PSD2: variants seen among roughly 807,000 people sequenced by gnomAD.
PSD2 encodes pleckstrin and Sec7 domain containing 2.
PSD2 carries 38 observed loss-of-function variants against 69.8 expected under a neutral mutation model. The ratio of observed to expected loss-of-function variants is 0.54; its 90% CI spans 0.42 to 0.71. The LOEUF is 0.71. PSD2 is among the 30% of genes least tolerant of loss of function. The pLI is 0.00. For missense variants in PSD2, 943 were observed against 1,014.5 expected, an observed-to-expected ratio of 0.93 and a Z score of 0.96; for synonymous variants, 412 against 423.0, an observed-to-expected ratio of 0.97 and a Z score of 0.32.
the PSD2 span, among the ~76,000 whole-genome samples, chr5:139,766,427 C>T: frequency 6.6e-6 from 1 of 152,188 alleles, no homozygotes; most frequent in Non-Finnish European, 1.5e-5. Flanking sequence ...CAGTCTTCAG[C>T]AGTCCTGGAA....
chr5:139,809,125 G>A (rs933489119), intron 1 of PSD2, among the ~76,000 whole-genome samples: 2 of 152,200 alleles, frequency 1.3e-5, no homozygotes, highest in African/African-American at 2.4e-5. Context: ...GGCGGGCACA[G>A]CAGAGACACA....
chr5:139,837,304 G>A lies in PSD2; in HGVS notation c.1665+66G>A. 1 of 1,395,914 alleles carries A rather than the reference G, an allele frequency of 7.2e-7. No homozygotes were observed. 86.5% of individuals were successfully genotyped at this position (1,395,914 alleles called of 1,614,324 possible). On this transcript the variant is annotated intron_variant, in intron 11 of 14. Transcript: ENST00000274710. The surrounding 1 kb of genome is among the most constrained non-coding windows in gnomAD (Gnocchi z 5.0). ...CTCAGTCCCATCCCGCCCTGGCCTT[G>A]TGGCACCCCGAAGCCCCAGGCAGGA...
intron 7 of PSD2, among the ~76,000 whole-genome samples, chr5:139,827,406 G>A (rs1290335093): frequency 3.3e-5 from 5 of 152,204 alleles, no homozygotes; most frequent in Non-Finnish European, 5.9e-5. Flanking sequence ...CTTGGATACA[G>A]GTACAGTATA....
intron 1 of PSD2, among the ~76,000 whole-genome samples, chr5:139,798,287 C>T (rs1347720744): frequency 6.6e-6 from 1 of 152,288 alleles, no homozygotes; most frequent in Non-Finnish European, 1.5e-5. Context: ...AGCTTGTTTT[C>T]CTTGTCCCTC....
intron 8 of PSD2, among the ~76,000 whole-genome samples, chr5:139,834,921 C>T (rs1052090939): frequency 6.6e-6 from 1 of 151,702 alleles, no homozygotes; most frequent in Admixed American, 6.6e-5. Context: ...CATATACCCA[C>T]CCATTCACCC....
intron 2 of PSD2, among the ~76,000 whole-genome samples, chr5:139,812,194 A>G (rs1759985375): frequency 6.6e-6 from 1 of 152,180 alleles, no homozygotes; most frequent in Non-Finnish European, 1.5e-5. Context: ...AAATACTTAT[A>G]TAGTGTGTTG....
intron 5 of PSD2, among the ~76,000 whole-genome samples, 180 bp downstream of exon 5, chr5:139,817,741 T>G (rs1246612310): frequency 6.6e-6 from 1 of 152,048 alleles, no homozygotes; most frequent in Non-Finnish European, 1.5e-5. Flanking sequence ...AGTGCCCACT[T>G]TGTAGTAGCT....
intron 1 of PSD2, 141 bp from the exon 2 acceptor site, chr5:139,809,250 A>G (rs1642536003): frequency 4.5e-6 from 3 of 666,434 alleles, no homozygotes; most frequent in Non-Finnish European, 7.5e-6. Flanking sequence ...CCCACACTCC[A>G]GCTGGAAGGG....
intron 7 of PSD2, among the ~76,000 whole-genome samples, chr5:139,830,629 T>TTTCTTTCTTTCTTTCTTTCTTTCG (rs1491513300): frequency 1.5e-5 from 2 of 134,776 alleles, no homozygotes; most frequent in Non-Finnish European, 1.6e-5. Context: ...TTTCTTTCTC[T>TTTCTTTCTTTCTTTCTTTCTTTCG]TTCTTTCTTT....
At chr5:139,790,097 TC>T in the PSD2 span, among the ~76,000 whole-genome samples, 1 of 151,676 alleles carries the variant, frequency 6.6e-6, no homozygotes, top group African/African-American at 2.4e-5. Flanking sequence ...GGGGGCCAGA[TC>T]TTATGGGATT....
rs552143289 is a variant in PSD2 at position 139,844,289 on chromosome 5, G to C, written c.*1815G>C. 6.6e-6 allele frequency: 1 copy of C among 152,108 alleles called. No homozygotes were observed. The highest frequency in any genetic ancestry group is 1.5e-5 in the Non-Finnish European group (1 of 68,036). The allele number at this position is 152,108 out of a possible 1,614,324, so 9.4% of individuals were successfully genotyped here. A position where few individuals can be genotyped will look rare whatever the true frequency, so the allele number is the denominator to read the frequency against. On this transcript the variant is annotated 3_prime_UTR_variant, in exon 15 of 15. Coordinates refer to ENST00000274710, the MANE Select transcript of PSD2 (RefSeq NM_032289.4). ...GTGGACAGATGTGCTTCCTGAGCAT[G>C]GGTTGTGCCTCCCATCAGTAAAAAA...
At chr5:139,838,802 CCCCAGGCTGCCATCCTCAG>C in intron 13 of PSD2, 30 bp downstream of exon 13, 1 of 1,597,300 alleles carries the variant, frequency 6.3e-7, no homozygotes, top group Non-Finnish European at 8.6e-7. Flanking sequence ...CATTTTGCCT[CCCCAGGCTGCCATCCTCAG>C]CCCAGGCCCC....
chr5:139,819,338 C>A (rs1488631043), intron 5 of PSD2, among the ~76,000 whole-genome samples: 2 of 152,166 alleles, frequency 1.3e-5, no homozygotes, highest in African/African-American at 4.8e-5. Flanking sequence ...GTTGGGCAAA[C>A]CCCCTTGTTG....
chr5:139,774,126 C>G, the PSD2 span, among the ~76,000 whole-genome samples: 1 of 150,226 alleles, frequency 6.7e-6, no homozygotes, highest in Non-Finnish European at 1.5e-5. Flanking sequence ...CACTCGGTCT[C>G]GTTTTTTTTT....
chr5:139,775,944 C>T, the PSD2 span, among the ~76,000 whole-genome samples: 1 of 152,374 alleles, frequency 6.6e-6, no homozygotes, highest in South Asian at 2.1e-4. Context: ...GCTGGGATTA[C>T]AGGCGTGAGC....
the PSD2 span, among the ~76,000 whole-genome samples, chr5:139,742,725 C>T: frequency 1.6e-4 from 25 of 152,274 alleles, no homozygotes; most frequent in East Asian, 4.4e-3. Flanking sequence ...TACATGAGTG[C>T]AGGTGTGAGT....
At chr5:139,771,214 C>T in the PSD2 span, among the ~76,000 whole-genome samples, 15 of 152,154 alleles carry the variant, frequency 9.9e-5, no homozygotes, top group East Asian at 2.9e-3. Flanking sequence ...TGTGACTGGC[C>T]CGGGTGGCGG....
intron 8 of PSD2, among the ~76,000 whole-genome samples, chr5:139,834,364 C>A (rs1241886681): frequency 3.3e-5 from 5 of 152,156 alleles, no homozygotes; most frequent in Non-Finnish European, 7.4e-5. Flanking sequence ...TGGCTCACTG[C>A]AGCCTGGAAC....
chr5:139,795,572 C>T (rs1006909599), upstream of PSD2, among the ~76,000 whole-genome samples: 1 of 152,082 alleles, frequency 6.6e-6, no homozygotes, highest in Middle Eastern at 3.2e-3. This position sits in a 1 kb window ranked among gnomAD's most constrained non-coding sequence, Gnocchi z 4.5. Flanking sequence ...TCCCCTCCCC[C>T]CCTTTCTTAA....
Sources: gnomAD v4.1 joint callset for allele counts (sites outside exome capture counted in the v4.1 genomes callset) on GRCh38, gnomAD v4.1.1 for gene constraint, Gnocchi (gnomAD v3.1) non-coding constraint, MANE v1.5 for transcripts, NCBI Gene and HGNC (gene_info 2026-07-23, HGNC 2026-07-21) for gene names.